Variants in TOP6BL observed in about 807,000 individuals in gnomAD.
TOP6BL encodes the protein TOP6B like initiator of meiotic double strand breaks.
the TOP6BL span, among the ~76,000 whole-genome samples, chr11:66,806,835 A>C: frequency 6.6e-6 from 1 of 152,222 alleles, no homozygotes; most frequent in Admixed American, 6.5e-5. Flanking sequence ...AGATATCAAA[A>C]GATACCATAG....
At chr11:66,762,418 C>T in the TOP6BL span, 2 of 329,034 alleles carry the variant, frequency 6.1e-6, no homozygotes, top group East Asian at 1.1e-4. Context: ...GGACTGCGAA[C>T]ATGTGCGGAT....
chr11:66,843,022 GGCA>G, the TOP6BL span: 1 of 1,554,346 alleles, frequency 6.4e-7, no homozygotes, highest in Non-Finnish European at 8.7e-7. Context: ...CGAGGCTCAC[GGCA>G]GGGCCCTGGC....
At chr11:66,787,719 CAAA>C in the TOP6BL span, among the ~76,000 whole-genome samples, 3 of 87,290 alleles carry the variant, frequency 3.4e-5, no homozygotes, top group Non-Finnish European at 7.3e-5. Context: ...GACTCCGACT[CAAA>C]AAAAAAAAAA....
chr11:66,784,761 C>T, the TOP6BL span, among the ~76,000 whole-genome samples: 1 of 152,106 alleles, frequency 6.6e-6, no homozygotes, highest in Non-Finnish European at 1.5e-5. Context: ...TTAAGCCATT[C>T]ATCATTTGAT....
chr11:66,779,958 A>G, the TOP6BL span, among the ~76,000 whole-genome samples: 1 of 145,948 alleles, frequency 6.9e-6, no homozygotes. Context: ...GGAATTGAAC[A>G]ATGAGAACAC....
At chr11:66,795,663 C>T in the TOP6BL span, among the ~76,000 whole-genome samples, 1 of 151,524 alleles carries the variant, frequency 6.6e-6, no homozygotes. Context: ...TAGGTTTTAT[C>T]CCTATTTTGC....
the TOP6BL span, among the ~76,000 whole-genome samples, chr11:66,812,890 G>A: frequency 6.6e-6 from 1 of 152,082 alleles, no homozygotes; most frequent in South Asian, 2.1e-4. Flanking sequence ...ATCCTATAGT[G>A]CACAGGACTG....
chr11:66,834,072 T>C, the TOP6BL span, among the ~76,000 whole-genome samples: 5 of 152,184 alleles, frequency 3.3e-5, no homozygotes, highest in African/African-American at 1.2e-4. Flanking sequence ...GTCTTACCAG[T>C]AGTCATAGGT....
the TOP6BL span, among the ~76,000 whole-genome samples, chr11:66,757,114 G>A: frequency 3.3e-5 from 5 of 151,972 alleles, no homozygotes; most frequent in African/African-American, 4.8e-5. Flanking sequence ...AGGCTGAGGC[G>A]GGTGGATTGC....
the TOP6BL span, among the ~76,000 whole-genome samples, chr11:66,760,441 ACT>A: frequency 7.5e-6 from 1 of 134,130 alleles, no homozygotes; most frequent in African/African-American, 2.8e-5. Flanking sequence ...AGAGTGAGAG[ACT>A]CTGTCTCAAA....
chr11:66,831,119 C>T, the TOP6BL span, among the ~76,000 whole-genome samples: 1 of 152,164 alleles, frequency 6.6e-6, no homozygotes, highest in African/African-American at 2.4e-5. Context: ...CACATGTTAA[C>T]AAGCATGTGG....
chr11:66,837,162 T>C, the TOP6BL span, among the ~76,000 whole-genome samples: 1 of 152,114 alleles, frequency 6.6e-6, no homozygotes, highest in African/African-American at 2.4e-5. Context: ...AGTCTCACTC[T>C]GTCGCCCAGG....
At chr11:66,796,383 CAAT>C in the TOP6BL span, 15 of 1,564,100 alleles carry the variant, frequency 9.6e-6, no homozygotes, top group Admixed American at 2.1e-4. Flanking sequence ...TTCCTTTGTA[CAAT>C]AATGATTCTC....
chr11:66,756,331 T>TC, the TOP6BL span: 52 of 1,197,472 alleles, frequency 4.3e-5, 1 homozygote, highest in South Asian at 6.7e-4. Flanking sequence ...AACCCCCTTT[T>TC]CCCCCCTTTT....
chr11:66,819,954 C>G, the TOP6BL span, among the ~76,000 whole-genome samples: 2 of 150,270 alleles, frequency 1.3e-5, no homozygotes, highest in African/African-American at 4.9e-5. Flanking sequence ...TGGTGTACAC[C>G]TGTGGTCCCA....
the TOP6BL span, chr11:66,828,514 T>G: frequency 1.6e-6 from 1 of 610,136 alleles, no homozygotes; most frequent in South Asian, 1.9e-5. Context: ...AATCATCTGT[T>G]TTCTATCTCT....
chr11:66,797,835 A>G, the TOP6BL span, among the ~76,000 whole-genome samples: 15 of 152,286 alleles, frequency 9.8e-5, no homozygotes, highest in East Asian at 1.5e-3. Context: ...TATTTTGAAT[A>G]TTAGAGAGCT....
At chr11:66,824,889 T>C in the TOP6BL span, among the ~76,000 whole-genome samples, 1 of 152,042 alleles carries the variant, frequency 6.6e-6, no homozygotes, top group South Asian at 2.1e-4. Context: ...CTATTGTGAA[T>C]AGTGCCGCAA....
the TOP6BL span, among the ~76,000 whole-genome samples, chr11:66,775,112 C>CAA: frequency 0.016 from 878 of 54,838 alleles, 16 homozygotes; most frequent in Non-Finnish European, 0.019. Context: ...GACTCTGTCT[C>CAA]AAAAAAAAAA....
Sources: gnomAD v4.1 joint callset for allele counts (sites outside exome capture counted in the v4.1 genomes callset) on GRCh38, gnomAD v4.1.1 for gene constraint, MANE v1.5 for transcripts, NCBI Gene and HGNC (gene_info 2026-07-23, HGNC 2026-07-21) for gene names.